Variants in ANKS1B observed in about 807,000 individuals in gnomAD.
ANKS1B encodes ankyrin repeat and sterile alpha motif domain containing 1B, also known as ankyrin repeat and sterile alpha motif domain-containing protein 1B.
ANKS1B carries 36 observed loss-of-function variants against 148.3 expected under a neutral mutation model. The observed-to-expected ratio is 0.24, with a 90% CI of 0.19 to 0.32. ANKS1B has a LOEUF of 0.32. Among genes scored for constraint, ANKS1B ranks in the 10% least tolerant of loss-of-function variants. The probability of loss-of-function intolerance (pLI) is 1.00; values close to 1 mark genes in which losing one functional copy is unlikely to be tolerated. For missense variants in ANKS1B, 1,157 were observed against 1,542.6 expected, an observed-to-expected ratio of 0.75 and a Z score of 4.19; for synonymous variants, 542 against 560.8, an observed-to-expected ratio of 0.97 and a Z score of 0.47.
At chr12:99,186,995 G>A (rs1226497088) in intron 14 of ANKS1B, among the ~76,000 whole-genome samples, 2 of 151,772 alleles carry the variant, frequency 1.3e-5, no homozygotes, top group South Asian at 2.1e-4. Context: ...GAACATAAAC[G>A]ACCTGATGGA....
chr12:99,980,898 T>A (rs546071080), intron 1 of ANKS1B, among the ~76,000 whole-genome samples: 1 of 152,090 alleles, frequency 6.6e-6, no homozygotes, highest in South Asian at 2.1e-4. Context: ...TAATTACAGC[T>A]GTCAAAAATA....
chr12:99,511,112 G>A (rs2096761340), intron 9 of ANKS1B, among the ~76,000 whole-genome samples: 1 of 151,980 alleles, frequency 6.6e-6, no homozygotes, highest in Non-Finnish European at 1.5e-5. Context: ...GTTTTCAAGG[G>A]GAATGCTTCC....
chr12:99,687,138 G>A (rs1229228588), intron 8 of ANKS1B, among the ~76,000 whole-genome samples: 1 of 152,004 alleles, frequency 6.6e-6, no homozygotes, highest in Non-Finnish European at 1.5e-5. Flanking sequence ...TTCTTTTAGT[G>A]TTTTAAAGAT....
intron 20 of ANKS1B, among the ~76,000 whole-genome samples, chr12:98,802,683 C>T (rs898638274): frequency 1.5e-5 from 2 of 130,412 alleles, no homozygotes; most frequent in Non-Finnish European, 3.1e-5. Flanking sequence ...CTTCGACTCG[C>T]AGAAGAGCAA....
chr12:99,597,637 G>C (rs568465339), intron 9 of ANKS1B, among the ~76,000 whole-genome samples: 28 of 152,118 alleles, frequency 1.8e-4, no homozygotes, highest in Non-Finnish European at 3.1e-4. Flanking sequence ...AATGACAATA[G>C]ACTTTTCTGA....
At chr12:99,154,757 T>C in intron 14 of ANKS1B, 2 of 1,443,260 alleles carry the variant, frequency 1.4e-6, no homozygotes, top group South Asian at 1.5e-5. Flanking sequence ...TACTCCACAA[T>C]GAGCAATGCA....
intron 4 of ANKS1B, among the ~76,000 whole-genome samples, chr12:99,792,402 T>A (rs967978446): frequency 1.3e-5 from 2 of 151,896 alleles, no homozygotes; most frequent in Admixed American, 1.3e-4. Context: ...AAGGCCAGTA[T>A]TAATCTGATA....
At chr12:99,011,145 T>C (rs112882965) in intron 17 of ANKS1B, among the ~76,000 whole-genome samples, 1 of 152,094 alleles carries the variant, frequency 6.6e-6, no homozygotes, top group Non-Finnish European at 1.5e-5. Context: ...CTGCAGTCAG[T>C]GGACTTTTAA....
At chr12:99,929,148 TA>T (rs2094548748) in intron 1 of ANKS1B, among the ~76,000 whole-genome samples, 1 of 152,224 alleles carries the variant, frequency 6.6e-6, no homozygotes, top group Admixed American at 6.5e-5. Context: ...CTAATTTTCA[TA>T]AATTCTTATA....
chr12:98,794,425 AC>A, intron 22 of ANKS1B: 3 of 183,056 alleles, frequency 1.6e-5, no homozygotes, highest in Non-Finnish European at 2.1e-5. Flanking sequence ...AAAAAAAAAG[AC>A]TTCCTCTCAA....
In ANKS1B at chr12:99,984,339, A is replaced by T. The variant is rs1408692447; in HGVS notation, c.-102T>A. 27 of 1,126,998 alleles carry T rather than the reference A, an allele frequency of 2.4e-5. No individual in the cohort carries two copies. Among genetic ancestry groups the T allele is most frequent in the Non-Finnish European group, 1.7e-5 (14 of 813,304 alleles). The allele number at this position is 1,126,998 out of a possible 1,614,324, so 69.8% of individuals were successfully genotyped here. Reference sequence around the variant, plus strand: ...CCAGGGCCCTCTTCGCCCCACCCTAAAATAATGCAAGAGCTTCAGCACGGA... The same window carrying T: ...CCAGGGCCCTCTTCGCCCCACCCTATAATAATGCAAGAGCTTCAGCACGGA... On this transcript the variant is annotated 5_prime_UTR_variant, in exon 1 of 27. Transcript: ENST00000683438.
At chr12:99,698,163 T>C (rs1444647175) in intron 8 of ANKS1B, among the ~76,000 whole-genome samples, 1 of 152,088 alleles carries the variant, frequency 6.6e-6, no homozygotes, top group Admixed American at 6.6e-5. Flanking sequence ...TTGTGGAAAG[T>C]CCTTATAATT....
chr12:99,690,463 C>T (rs141009147), intron 8 of ANKS1B, among the ~76,000 whole-genome samples: 2,938 of 152,212 alleles, frequency 0.019, 55 homozygotes, highest in Middle Eastern at 0.031. Context: ...CCTGTAAAAT[C>T]GAAAGCAAGT....
intron 8 of ANKS1B, among the ~76,000 whole-genome samples, chr12:99,662,163 A>G (rs558316488): frequency 3.9e-4 from 60 of 152,320 alleles, no homozygotes; most frequent in African/African-American, 1.3e-3. Context: ...GTCAAACCCT[A>G]ACAAATAAAT....
chr12:98,755,384 C>T (rs1022918322), intron 25 of ANKS1B, among the ~76,000 whole-genome samples: 9 of 152,204 alleles, frequency 5.9e-5, no homozygotes, highest in Non-Finnish European at 1.0e-4. Context: ...CATGGTGACA[C>T]CCAGAAAATC....
At chr12:99,486,565 C>T (rs2096492321) in intron 10 of ANKS1B, among the ~76,000 whole-genome samples, 1 of 152,018 alleles carries the variant, frequency 6.6e-6, no homozygotes, top group African/African-American at 2.4e-5. Context: ...TGTCCCTTGA[C>T]AGGAACCAGC....
chr12:99,690,799 C>T (rs373485693), intron 8 of ANKS1B, among the ~76,000 whole-genome samples: 4 of 152,214 alleles, frequency 2.6e-5, no homozygotes, highest in East Asian at 1.9e-4. Flanking sequence ...TCTATGATTC[C>T]GAGGTTTGGA....
At chr12:98,844,833 C>T (rs191877110) in intron 17 of ANKS1B, among the ~76,000 whole-genome samples, 41 of 152,250 alleles carry the variant, frequency 2.7e-4, no homozygotes, top group Non-Finnish European at 5.4e-4. Context: ...GAATACTTAT[C>T]AGATTTTTCA....
chr12:99,422,256 A>G (rs2095111040), intron 11 of ANKS1B, among the ~76,000 whole-genome samples: 1 of 152,204 alleles, frequency 6.6e-6, no homozygotes, highest in African/African-American at 2.4e-5. Context: ...CTGCTCATTC[A>G]TGACTCTGTC....
Sources: allele counts gnomAD v4.1 joint callset (sites outside exome capture counted in the v4.1 genomes callset), GRCh38; gene constraint gnomAD v4.1.1; transcripts MANE v1.5; gene names NCBI Gene and HGNC (gene_info 2026-07-23, HGNC 2026-07-21).